PAK5: variants seen among roughly 807,000 people sequenced by gnomAD.
PAK5 encodes the protein serine/threonine-protein kinase PAK 5.
In PAK5, 16 loss-of-function variants were observed where a neutral mutation model predicts 65.9. The observed-to-expected ratio is 0.24, with a 90% confidence interval of 0.16 to 0.37. The LOEUF is 0.37. PAK5 is among the 10% of genes least tolerant of loss of function. The pLI is 1.00. For missense variants in PAK5, 785 were observed against 903.9 expected (o/e 0.87, Z 1.69); for synonymous variants, 371 against 354.9 (o/e 1.05, Z -0.51).
chr20:9,577,097 T>C (rs2045897422), intron 4 of PAK5, among the ~76,000 whole-genome samples: 1 of 152,208 alleles, frequency 6.6e-6, no homozygotes, highest in Non-Finnish European at 1.5e-5. Context: ...GCATTCTCTC[T>C]CCACATCTGG....
chr20:9,833,796 G>C (rs187770800), intron 1 of PAK5, among the ~76,000 whole-genome samples: 34 of 152,128 alleles, frequency 2.2e-4, no homozygotes, highest in Middle Eastern at 6.8e-3. Context: ...GTCTTTCTTT[G>C]TTTGCTCCTC....
At chr20:9,661,818 C>A (rs1258746790) in intron 2 of PAK5, among the ~76,000 whole-genome samples, 1 of 152,166 alleles carries the variant, frequency 6.6e-6, no homozygotes, top group Non-Finnish European at 1.5e-5. Flanking sequence ...AATCAATCTT[C>A]CTCACGTCAG....
intron 1 of PAK5, among the ~76,000 whole-genome samples, chr20:9,790,320 GA>G (rs1296047378): frequency 7.2e-5 from 11 of 152,098 alleles, no homozygotes; most frequent in African/African-American, 2.7e-4. Flanking sequence ...GCTTGTCAGA[GA>G]GCAAACAGTA....
chr20:9,730,768 C>T (rs185563105), intron 1 of PAK5, among the ~76,000 whole-genome samples: 6 of 152,322 alleles, frequency 3.9e-5, no homozygotes, highest in Admixed American at 3.3e-4. Context: ...TTTCACTAAG[C>T]TCTGATTGCT....
At chr20:9,693,921 C>G (rs2047831950) in intron 2 of PAK5, among the ~76,000 whole-genome samples, 1 of 151,832 alleles carries the variant, frequency 6.6e-6, no homozygotes, top group African/African-American at 2.4e-5. Flanking sequence ...TGTCATAAAT[C>G]TTTGGAATTA....
At position 9,627,846 on chromosome 20, in the gene PAK5, C is replaced by T. The variant is rs183983812; in HGVS notation, c.204+16279G>A. Among the ~76,000 whole-genome samples, 313 of 152,168 alleles carry T rather than the reference C, an allele frequency of 2.1e-3. 1 individual carries two copies. Among genetic ancestry groups the T allele is most frequent in the African/African-American group, 7.1e-3 (295 of 41,518 alleles). ...TTTACCATGTTGGCCAGGCTGGTCT[C>T]GAACTCCTGACCTCAAGTGATCCTC... is the stretch of plus-strand genomic sequence containing the variant. On this transcript the variant is annotated intron_variant, in intron 3 of 9. Transcript: ENST00000353224.
chr20:9,610,836 A>G (rs75759151), intron 3 of PAK5, among the ~76,000 whole-genome samples: 2 of 152,304 alleles, frequency 1.3e-5, no homozygotes, highest in East Asian at 3.9e-4. Context: ...GGAGGTGGCT[A>G]TGTCATGAAT....
At chr20:9,695,667 T>C (rs185190030) in intron 2 of PAK5, among the ~76,000 whole-genome samples, 1 of 152,152 alleles carries the variant, frequency 6.6e-6, no homozygotes, top group African/African-American at 2.4e-5. Context: ...CAAATATCTA[T>C]TGAAGGAATC....
At chr20:9,730,649 C>T (rs556159714) in intron 1 of PAK5, among the ~76,000 whole-genome samples, 10 of 152,144 alleles carry the variant, frequency 6.6e-5, no homozygotes, top group Middle Eastern at 3.2e-3. Context: ...ATGATGATAT[C>T]GGTGTGTTCT....
chr20:9,765,448 T>C (rs1313638507), intron 1 of PAK5, among the ~76,000 whole-genome samples: 1 of 152,186 alleles, frequency 6.6e-6, no homozygotes, highest in Non-Finnish European at 1.5e-5. Context: ...CCTCCATTTT[T>C]TTTTTCTGGC....
Position 9,637,134 on chromosome 20 carries a change from G to A in PAK5, c.204+6991C>T, listed in dbSNP as rs1304322775. Among the ~76,000 whole-genome samples, 8 of 152,164 alleles carry A rather than the reference G, an allele frequency of 5.3e-5. No homozygotes were observed. In the East Asian group the frequency reaches 1.2e-3, roughly 22 times the overall value. On this transcript the variant is annotated intron_variant, in intron 3 of 9. Transcript: ENST00000353224. ...TCCCACCTCAGCCTCTAGAGTAGCC[G>A]GGATGACAGGTGTACACCAGCATGC...
chr20:9,568,998 G>A (rs2045730063), intron 4 of PAK5, among the ~76,000 whole-genome samples: 1 of 152,208 alleles, frequency 6.6e-6, no homozygotes, highest in Non-Finnish European at 1.5e-5. Context: ...AGATGACTGT[G>A]TTCCTGTTTG....
intron 1 of PAK5, among the ~76,000 whole-genome samples, chr20:9,743,010 G>A (rs1464517844): frequency 6.6e-6 from 1 of 152,162 alleles, no homozygotes; most frequent in Non-Finnish European, 1.5e-5. Context: ...TGGAATTTAT[G>A]AGACATAGTC....
In PAK5 at chr20:9,609,100, C is replaced by T. The variant is rs143756827; in HGVS notation, c.205-28170G>A. On this transcript the variant is annotated intron_variant, in intron 3 of 9. Transcript: ENST00000353224. ...AACCGCTTCTCTTTGCAGTCAGACA[C>T]CTGGGCTTTGTGTAACAAGGCATTG... Among the ~76,000 whole-genome samples the T allele has an allele frequency of 6.6e-5, 10 of 151,672 alleles. No homozygotes were observed. The East Asian group carries it at 2.0e-3, about 30-fold the overall frequency.
intron 7 of PAK5, among the ~76,000 whole-genome samples, chr20:9,550,632 T>G (rs972311744): frequency 6.6e-6 from 1 of 152,180 alleles, no homozygotes; most frequent in Admixed American, 6.5e-5. Context: ...CTAAATTTAA[T>G]GCATTGAATT....
chr20:9,583,715 G>A (rs1311832592), intron 3 of PAK5, among the ~76,000 whole-genome samples: 1 of 152,194 alleles, frequency 6.6e-6, no homozygotes, highest in Non-Finnish European at 1.5e-5. Flanking sequence ...TGTATTCACT[G>A]TTAGAGTGCC....
At chr20:9,569,994 G>A (rs147093228) in intron 4 of PAK5, among the ~76,000 whole-genome samples, 2 of 149,240 alleles carry the variant, frequency 1.3e-5, no homozygotes, top group Non-Finnish European at 2.9e-5. Context: ...AATGAATTCT[G>A]ACTGATAATT....
chr20:9,658,189 C>G (rs887724595), intron 2 of PAK5, among the ~76,000 whole-genome samples: 1 of 152,136 alleles, frequency 6.6e-6, no homozygotes, highest in Non-Finnish European at 1.5e-5. Context: ...CATATCACAC[C>G]ATCCCAACAT....
At chr20:9,646,412 G>A (rs1369668664) in intron 2 of PAK5, among the ~76,000 whole-genome samples, 1 of 152,224 alleles carries the variant, frequency 6.6e-6, no homozygotes, top group Non-Finnish European at 1.5e-5. Flanking sequence ...GGATGAAAGA[G>A]TATAAGGACT....
Sources: allele counts gnomAD v4.1 joint callset (sites outside exome capture counted in the v4.1 genomes callset), GRCh38; gene constraint gnomAD v4.1.1; transcripts MANE v1.5; gene names NCBI Gene and HGNC (gene_info 2026-07-23, HGNC 2026-07-21).